FHL2: variants seen among roughly 807,000 people sequenced by gnomAD.
The protein encoded by FHL2 is four and a half LIM domains 2, also known as four and a half LIM domains protein 2.
In FHL2, 20 loss-of-function variants were observed where a neutral mutation model predicts 32.7. The ratio of observed to expected loss-of-function variants is 0.61; its 90% CI spans 0.43 to 0.89. The LOEUF (loss-of-function observed/expected upper bound fraction) is 0.89. Among genes scored for constraint, FHL2 ranks in the 40% least tolerant of loss-of-function variants. FHL2 has a pLI of 0.00. For missense variants in FHL2, 311 were observed against 358.6 expected, an observed-to-expected ratio of 0.87 and a Z score of 1.07; for synonymous variants, 123 against 128.1, an observed-to-expected ratio of 0.96 and a Z score of 0.27.
At chr2:105,367,294 T>G (rs1359016427) in intron 5 of FHL2, among the ~76,000 whole-genome samples, 1 of 152,022 alleles carries the variant, frequency 6.6e-6, no homozygotes, top group Non-Finnish European at 1.5e-5. Flanking sequence ...CCCTCTAACC[T>G]CAGGTTATCA....
chr2:105,388,833 C>CAAA (rs70953506), intron 2 of FHL2, among the ~76,000 whole-genome samples: 3 of 145,614 alleles, frequency 2.1e-5, no homozygotes, highest in African/African-American at 7.5e-5. Flanking sequence ...GACTCCGTCT[C>CAAA]AAAAAAAAAA....
intron 1 of FHL2, among the ~76,000 whole-genome samples, chr2:105,414,681 T>A (rs188853494): frequency 2.2e-4 from 33 of 152,200 alleles, no homozygotes; most frequent in African/African-American, 7.2e-4. Flanking sequence ...GCCTCTAGAG[T>A]AGCTGGGGTT....
intron 1 of FHL2, among the ~76,000 whole-genome samples, chr2:105,416,067 T>C (rs1044668869): frequency 2.6e-5 from 4 of 152,236 alleles, no homozygotes; most frequent in African/African-American, 9.6e-5. Flanking sequence ...CTATCTACTC[T>C]TTAATATTAT....
intron 2 of FHL2, among the ~76,000 whole-genome samples, chr2:105,390,960 C>G (rs1238924786): frequency 1.3e-5 from 2 of 151,312 alleles, no homozygotes; most frequent in African/African-American, 4.9e-5. Context: ...CCACACTCAG[C>G]TAATTTGTGT....
intron 1 of FHL2, among the ~76,000 whole-genome samples, chr2:105,417,330 C>G (rs1473092354): frequency 6.6e-6 from 1 of 150,442 alleles, no homozygotes; most frequent in Non-Finnish European, 1.5e-5. Context: ...TGCAGTGAGC[C>G]AAGATCTTGC....
intron 4 of FHL2, among the ~76,000 whole-genome samples, chr2:105,367,986 A>T (rs1478190435): frequency 1.3e-5 from 2 of 152,182 alleles, no homozygotes; most frequent in East Asian, 3.9e-4. Context: ...CTTAACATTT[A>T]TTTATTGAAT....
chr2:105,434,998 CTT>C (rs1183852676), intron 1 of FHL2, among the ~76,000 whole-genome samples: 1 of 152,066 alleles, frequency 6.6e-6, no homozygotes, highest in South Asian at 2.1e-4. Flanking sequence ...CATGATCAGA[CTT>C]AGTATAGAAA....
At chr2:105,397,950 A>G (rs928577854) in intron 1 of FHL2, among the ~76,000 whole-genome samples, 17 of 150,454 alleles carry the variant, frequency 1.1e-4, no homozygotes, top group African/African-American at 4.2e-4. Context: ...ATATATTATT[A>G]TAAAACACTC....
At chr2:105,358,207 G>T (rs1680089979), downstream of FHL2, 1 of 152,236 alleles carries the variant, frequency 6.6e-6, no homozygotes, top group Non-Finnish European at 1.5e-5. Flanking sequence ...CTTAGGCAAA[G>T]ATTTCTCGTT....
intron 5 of FHL2, among the ~76,000 whole-genome samples, chr2:105,366,943 A>G (rs1302385322): frequency 6.6e-6 from 1 of 152,126 alleles, no homozygotes; most frequent in African/African-American, 2.4e-5. Flanking sequence ...ATGGAGTTTC[A>G]TCATGTTGCC....
intron 3 of FHL2, among the ~76,000 whole-genome samples, chr2:105,380,626 C>T (rs1439742250): frequency 3.3e-5 from 5 of 152,146 alleles, no homozygotes; most frequent in African/African-American, 1.2e-4. Flanking sequence ...CATTAGTACT[C>T]CATTGTGAAC....
Position 105,399,048 on chromosome 2 carries a change from G to A in FHL2, c.-282C>T, listed in dbSNP as rs1156629222. On this transcript the variant is annotated 5_prime_UTR_variant, in exon 1 of 7. Transcript: ENST00000530340. ...GGTGGCTGCGGCTCCGCTGCCGGCC[G>A]AGTGGAGCGCTGCGCAGCTCCCGCC... 4 of 1,496,904 alleles carry A rather than the reference G, an allele frequency of 2.7e-6. No individual in the cohort carries two copies. The highest frequency in any genetic ancestry group is 1.5e-5 in the African/African-American group (1 of 68,398). The allele number at this position is 1,496,904 out of a possible 1,614,324, so 92.7% of individuals were successfully genotyped here. A position where few individuals can be genotyped will look rare whatever the true frequency, so the allele number is the denominator to read the frequency against.
rs577063359 is a variant in FHL2 at position 105,368,180 on chromosome 2, A to G, written c.332-441T>C. Among the ~76,000 whole-genome samples the G allele has an allele frequency of 4.6e-5, 7 of 152,302 alleles. 1 individual carries two copies. The South Asian group carries it at 1.5e-3, about 32-fold the overall frequency. On this transcript the variant is annotated intron_variant, in intron 4 of 6. Coordinates refer to ENST00000530340, the MANE Select transcript of FHL2 (RefSeq NM_001318895.3). ...CCGTCTGGTTCACAGCAGGATGGAAATGGCTAGAGTGTGAATGAACCTGGA... is the reference window on the plus strand; with the variant it reads ...CCGTCTGGTTCACAGCAGGATGGAAGTGGCTAGAGTGTGAATGAACCTGGA...
intron 1 of FHL2, 144 bp downstream of exon 1, chr2:105,398,698 T>TG: frequency 1.8e-6 from 1 of 554,946 alleles, no homozygotes; most frequent in Non-Finnish European, 2.9e-6. Context: ...CCCCGTGGTC[T>TG]CCCCACCCCC....
intron 1 of FHL2, among the ~76,000 whole-genome samples, chr2:105,424,725 A>G (rs558703974): frequency 6.6e-6 from 1 of 152,350 alleles, no homozygotes; most frequent in African/African-American, 2.4e-5. Flanking sequence ...TGTCCTTTGC[A>G]GGGAAATGGA....
In FHL2 at chr2:105,383,982, T is replaced by G. The variant is rs568587569; in HGVS notation, c.156+2379A>C. Among the ~76,000 whole-genome samples the G allele has an allele frequency of 9.3e-4, 142 of 152,362 alleles. 1 individual carries two copies. The highest frequency in any genetic ancestry group is 3.4e-3 in the Middle Eastern group (1 of 294). The stretch of plus-strand genomic sequence containing the variant: ...TGGCTTGACAGCAGCCTTGATGATT[T>G]TGGCTCCATTTGGGAGACTCTTGTT... On this transcript the variant is annotated intron_variant, in intron 3 of 6. Coordinates refer to ENST00000530340, the MANE Select transcript of FHL2 (RefSeq NM_001318895.3).
chr2:105,398,859 G>A lies in FHL2; in HGVS notation c.-93C>T, dbSNP rs761343542. On this transcript the variant is annotated 5_prime_UTR_variant, in exon 1 of 7. Transcript: ENST00000530340. ...CCTCTCACCAGTCTCCCCAACTCCG[G>A]CTCTGCTCCCCTCTCCTTGGGTCTC... The A allele has an allele frequency of 2.7e-6, 4 of 1,468,140 alleles. No homozygotes were observed. The highest frequency in any genetic ancestry group is 3.6e-6 in the Non-Finnish European group (4 of 1,112,878). The allele number at this position is 1,468,140 out of a possible 1,614,324, so 90.9% of individuals were successfully genotyped here. A position where few individuals can be genotyped will look rare whatever the true frequency, so the allele number is the denominator to read the frequency against.
At chr2:105,424,506 A>T (rs1166669555) in intron 1 of FHL2, among the ~76,000 whole-genome samples, 4 of 152,238 alleles carry the variant, frequency 2.6e-5, no homozygotes, top group African/African-American at 9.6e-5. Context: ...TTACCATTTC[A>T]CCCAGCAATC....
chr2:105,426,219 A>G (rs1379944259), intron 1 of FHL2, among the ~76,000 whole-genome samples: 1 of 152,200 alleles, frequency 6.6e-6, no homozygotes, highest in Non-Finnish European at 1.5e-5. Context: ...TGCTGCCATA[A>G]GGAAGTGAGA....
Sources: gnomAD v4.1 joint callset for allele counts (sites outside exome capture counted in the v4.1 genomes callset) on GRCh38, gnomAD v4.1.1 for gene constraint, MANE v1.5 for transcripts, NCBI Gene and HGNC (gene_info 2026-07-23, HGNC 2026-07-21) for gene names.